The following AK9 variants were observed in gnomAD, a reference collection of about 807,000 sequenced individuals.
AK9 encodes adenylate kinase domain containing 1.
In AK9, 191 loss-of-function variants were observed where a neutral mutation model predicts 239.6. That is an observed-to-expected ratio of 0.80 (90% CI 0.71 to 0.90). The LOEUF is 0.90. Ranked by LOEUF, AK9 falls within the 40% of genes least tolerant of loss-of-function variation. AK9 has a pLI of 0.00. For synonymous variants in AK9, 689 were observed against 721.0 expected (o/e 0.96, Z 0.71); for missense variants, 1,995 against 2,214.7 (o/e 0.90, Z 1.99).
At chr6:109,612,179 G>C in intron 15 of AK9, 86 bp from the exon 16 acceptor site, 1 of 847,380 alleles carries the variant, frequency 1.2e-6, no homozygotes, top group East Asian at 2.9e-5. Context: ...TATAAGCCTA[G>C]GGAACCAGGA....
Position 109,585,139 on chromosome 6 carries a change from C to CA in AK9, c.2097_2098insT (p.Glu700Ter). 3.7e-6 allele frequency: 3 copies of CA among 821,484 alleles called. No individual in the cohort carries two copies. The highest frequency in any genetic ancestry group is 4.8e-6 in the Non-Finnish European group (3 of 621,698). 50.9% of individuals were successfully genotyped at this position (821,484 alleles called of 1,614,324 possible). A position where few individuals can be genotyped will look rare whatever the true frequency, so the allele number is the denominator to read the frequency against. The stretch of plus-strand genomic sequence containing the variant: ...AGATTTTACCTTGCTTCTTCTTCTT[C>CA]TTTTTTTTTCTTTTGTAGTTCTTCT... On this transcript the variant is annotated frameshift_variant, in exon 19 of 41. Transcript: ENST00000424296. LOFTEE classifies it high-confidence loss of function.
intron 17 of AK9, among the ~76,000 whole-genome samples, chr6:109,592,855 T>G (rs1179477149): frequency 2.0e-5 from 3 of 152,152 alleles, no homozygotes; most frequent in Non-Finnish European, 4.4e-5. Context: ...GGTGAGGTAC[T>G]TCTTGCACTA....
intron 19 of AK9, among the ~76,000 whole-genome samples, chr6:109,580,965 A>G (rs6931630): frequency 0.77 from 116,678 of 151,874 alleles, 45,736 homozygotes; most frequent in East Asian, 0.99. Context: ...ACCCTGCAAT[A>G]AGCAACTCTA....
chr6:109,503,487 C>T (rs1288104619), intron 35 of AK9, among the ~76,000 whole-genome samples: 1 of 152,132 alleles, frequency 6.6e-6, no homozygotes, highest in Non-Finnish European at 1.5e-5. Context: ...CAGCCTTGTA[C>T]CATCTCACTG....
intron 29 of AK9, among the ~76,000 whole-genome samples, chr6:109,518,963 A>G (rs1021122981): frequency 6.6e-6 from 1 of 151,640 alleles, no homozygotes; most frequent in African/African-American, 2.4e-5. Flanking sequence ...CCTCTCCCCA[A>G]CCCTCCTCCT....
chr6:109,512,113 C>T (rs1778815566), intron 32 of AK9, among the ~76,000 whole-genome samples: 1 of 152,188 alleles, frequency 6.6e-6, no homozygotes, highest in African/African-American at 2.4e-5. Context: ...AAGGTCAGCA[C>T]AAGATACAGG....
intron 1 of AK9, among the ~76,000 whole-genome samples, chr6:109,679,430 G>GA (rs1015544324): frequency 9.9e-5 from 15 of 151,500 alleles, no homozygotes; most frequent in Admixed American, 3.3e-4. Flanking sequence ...GGGTATCTCT[G>GA]AAAAAAAAAG....
intron 1 of AK9, among the ~76,000 whole-genome samples, chr6:109,677,053 C>T (rs1257531685): frequency 2.0e-5 from 3 of 152,050 alleles, no homozygotes; most frequent in Admixed American, 6.5e-5. Context: ...TACACAAGGA[C>T]ACAAAGAATG....
chr6:109,497,894 G>A lies in AK9; in HGVS notation c.5118C>T (p.Ile1706=), dbSNP rs757709048. 1 of 1,614,086 alleles carries A rather than the reference G, an allele frequency of 6.2e-7. No individual in the cohort carries two copies. The highest frequency in any genetic ancestry group is 1.7e-5 in the Admixed American group (1 of 60,018). ...APHPLPSADM[I]PKRLTLSELK... is the part of the protein sequence containing the mutation. Reference sequence around the variant, plus strand: ...GCTCTGACAGTGTCAGTCTTTTGGGGATCATGTCAGCAGATGGGAGTGGAT... The same window carrying A: ...GCTCTGACAGTGTCAGTCTTTTGGGAATCATGTCAGCAGATGGGAGTGGAT... Residue 1706 remains isoleucine, a synonymous_variant, in exon 37 of 41, where the codon ATC becomes ATT. Transcript: ENST00000424296.
Position 109,656,897 on chromosome 6 carries a change from G to C in AK9, c.631-13C>G. On this transcript the variant is annotated splice_polypyrimidine_tract_variant and intron_variant, in intron 7 of 40. Transcript: ENST00000424296. The stretch of plus-strand genomic sequence containing the variant: ...CGGCAATAAATGCCTAAATGGAAAA[G>C]AAGAGATTTCAAATATCTTTAGGTC... 6.2e-7 allele frequency: 1 copy of C among 1,611,564 alleles called. No homozygotes were observed. The highest frequency in any genetic ancestry group is 1.7e-5 in the Admixed American group (1 of 59,642).
At chr6:109,670,887 G>T (rs1347080480) in intron 5 of AK9, among the ~76,000 whole-genome samples, 1 of 152,028 alleles carries the variant, frequency 6.6e-6, no homozygotes, top group Non-Finnish European at 1.5e-5. Context: ...TAAGTGGATA[G>T]ATAGGTAGAT....
intron 27 of AK9, 78 bp from the exon 28 acceptor site, chr6:109,533,548 T>C: frequency 1.7e-6 from 2 of 1,193,634 alleles, no homozygotes; most frequent in Non-Finnish European, 2.3e-6. Flanking sequence ...ACTGTAATGA[T>C]CATTATACAA....
chr6:109,519,874 T>A (rs1779658037), intron 29 of AK9, among the ~76,000 whole-genome samples: 1 of 152,138 alleles, frequency 6.6e-6, no homozygotes, highest in Admixed American at 6.6e-5. Context: ...GAGCATTTGT[T>A]CAGATGTTGG....
chr6:109,607,743 A>G (rs4523125), intron 17 of AK9, among the ~76,000 whole-genome samples: 88,065 of 151,204 alleles, frequency 0.58, 27,312 homozygotes, highest in South Asian at 0.84. Context: ...GATACAATGC[A>G]ACCCGATCAA....
At chr6:109,667,941 T>C (rs899726243) in intron 5 of AK9, among the ~76,000 whole-genome samples, 3 of 152,204 alleles carry the variant, frequency 2.0e-5, no homozygotes, top group African/African-American at 7.2e-5. Flanking sequence ...CTGGGTCAAA[T>C]GATATTTCTA....
chr6:109,563,751 TA>T, intron 23 of AK9, 39 bp from the exon 24 acceptor site: 2 of 1,524,368 alleles, frequency 1.3e-6, no homozygotes, highest in African/African-American at 1.4e-5. Flanking sequence ...ATATTTTTAG[TA>T]AAAAAGGTTA....
chr6:109,663,579 G>A (rs1322965574), intron 5 of AK9, among the ~76,000 whole-genome samples: 1 of 152,166 alleles, frequency 6.6e-6, no homozygotes, highest in Non-Finnish European at 1.5e-5. Context: ...TTTTCTTGAT[G>A]AGAGTGGTGG....
chr6:109,650,476 A>C (rs1240212824), intron 8 of AK9, among the ~76,000 whole-genome samples: 2 of 152,012 alleles, frequency 1.3e-5, no homozygotes, highest in Non-Finnish European at 2.9e-5. Context: ...AGACACATGA[A>C]AAAATGATCA....
rs1349670912 is a variant in AK9 at position 109,620,435 on chromosome 6, A to AT, written c.1255-1200dup. ...CTTCTTTATATATGCTTATTCACTTATTTTTTTCTCTTTAAGCATATGTTC... is the reference window on the plus strand; with the variant it reads ...CTTCTTTATATATGCTTATTCACTTATTTTTTTTCTCTTTAAGCATATGTTC... On this transcript the variant is annotated intron_variant, in intron 12 of 40. Transcript: ENST00000424296. Among the ~76,000 whole-genome samples, 4 of 152,060 alleles carry AT rather than the reference A, an allele frequency of 2.6e-5. No individual in the cohort carries two copies. In the East Asian group the frequency reaches 5.8e-4, roughly 22 times the overall value.
Sources: gnomAD v4.1 joint callset for allele counts (sites outside exome capture counted in the v4.1 genomes callset) on GRCh38, gnomAD v4.1.1 for gene constraint, MANE v1.5 for transcripts, NCBI Gene and HGNC (gene_info 2026-07-23, HGNC 2026-07-21) for gene names.